NEMP2: variants seen among roughly 807,000 people sequenced by gnomAD.
NEMP2 encodes nuclear envelope integral membrane protein 2, also known as UPF0571 transmembrane protein.
NEMP2 carries 53 observed loss-of-function variants against 54.2 expected under a neutral mutation model. That is an observed-to-expected ratio of 0.98 (90% CI 0.78 to 1.23). The LOEUF (loss-of-function observed/expected upper bound fraction) is 1.23, where lower values mean the gene tolerates loss of function less well. Ranked by LOEUF, NEMP2 falls within the 50% of genes most tolerant of loss-of-function variation. The pLI, the probability that NEMP2 is intolerant of heterozygous loss-of-function variation, is 0.00. For missense variants in NEMP2, 455 were observed against 511.3 expected, an observed-to-expected ratio of 0.89 and a Z score of 1.06; for synonymous variants, 197 against 190.3, an observed-to-expected ratio of 1.04 and a Z score of -0.29.
chr2:190,591,085 C>A, the NEMP2 span, among the ~76,000 whole-genome samples: 1 of 151,802 alleles, frequency 6.6e-6, no homozygotes, highest in African/African-American at 2.4e-5. This position sits in a 1 kb window ranked among gnomAD's most constrained non-coding sequence, Gnocchi z 5.4. Context: ...AACATTTTGA[C>A]AAAAAAAGGA....
chr2:190,568,779 G>T, the NEMP2 span, among the ~76,000 whole-genome samples: 1 of 152,104 alleles, frequency 6.6e-6, no homozygotes, highest in Non-Finnish European at 1.5e-5. This position sits in a 1 kb window ranked among gnomAD's most constrained non-coding sequence, Gnocchi z 4.7. Context: ...CCGAGATTGC[G>T]CCATTGCACT....
Position 190,533,878 on chromosome 2 carries a change from T to A in NEMP2, c.97+681A>T, listed in dbSNP as rs4578891. 3.3e-3 allele frequency: 2,372 copies of A among 708,660 alleles called. 55 individuals are homozygous for A. The African/African-American group carries it at 0.043, about 13-fold the overall frequency. 43.9% of individuals were successfully genotyped at this position (708,660 alleles called of 1,614,324 possible). On this transcript the variant is annotated intron_variant, in intron 1 of 8. Coordinates refer to ENST00000409150, the MANE Select transcript of NEMP2 (RefSeq NM_001142645.2). The surrounding 1 kb of genome is among the most constrained non-coding windows in gnomAD (Gnocchi z 4.3). The stretch of plus-strand genomic sequence containing the variant: ...TTCCCCAGGTGTCCTTCCCAGATCC[T>A]TCCCCAGTGTGCCAGCATCTTAAGC...
In NEMP2 at chr2:190,516,392, T is replaced by G. The variant is rs1333415146; in HGVS notation, c.613-8A>C. On this transcript the variant is annotated splice_region_variant and splice_polypyrimidine_tract_variant and intron_variant, in intron 5 of 8. Coordinates refer to ENST00000409150, the MANE Select transcript of NEMP2 (RefSeq NM_001142645.2). ...AGCCCAAAAGGTGCTATACTGTGTGTGGAAGAAAATAAATGACACATTTTT... is the reference window on the plus strand; with the variant it reads ...AGCCCAAAAGGTGCTATACTGTGTGGGGAAGAAAATAAATGACACATTTTT... 1 of 1,527,630 alleles carries G rather than the reference T, an allele frequency of 6.5e-7. No individual in the cohort carries two copies. The highest frequency in any genetic ancestry group is 1.2e-5 in the South Asian group (1 of 80,174). The allele number at this position is 1,527,630 out of a possible 1,614,324, so 94.6% of individuals were successfully genotyped here. A position where few individuals can be genotyped will look rare whatever the true frequency, so the allele number is the denominator to read the frequency against.
At chr2:190,469,839 C>T in the NEMP2 span, 3 of 1,604,018 alleles carry the variant, frequency 1.9e-6, no homozygotes, top group Non-Finnish European at 1.7e-6. The surrounding 1 kb of genome is among the most constrained non-coding windows in gnomAD (Gnocchi z 5.3). Flanking sequence ...CTGTTCTCCC[C>T]ATGGAAGTTC....
the NEMP2 span, among the ~76,000 whole-genome samples, chr2:190,471,859 A>C: frequency 1.3e-5 from 2 of 152,134 alleles, no homozygotes; most frequent in African/African-American, 4.8e-5. This position sits in a 1 kb window ranked among gnomAD's most constrained non-coding sequence, Gnocchi z 4.7. Context: ...CAGACTGATA[A>C]CTCATACGGC....
At chr2:190,564,281 C>G in the NEMP2 span, among the ~76,000 whole-genome samples, 1 of 152,088 alleles carries the variant, frequency 6.6e-6, no homozygotes, top group Non-Finnish European at 1.5e-5. This position sits in a 1 kb window ranked among gnomAD's most constrained non-coding sequence, Gnocchi z 4.2. Flanking sequence ...AATGTGAACT[C>G]CAGGAACCAT....
At chr2:190,631,521 G>C in the NEMP2 span, among the ~76,000 whole-genome samples, 1 of 152,142 alleles carries the variant, frequency 6.6e-6, no homozygotes, top group Non-Finnish European at 1.5e-5. Flanking sequence ...AAGAGCATAT[G>C]TTATATTTTA....
At position 190,522,492 on chromosome 2, in the gene NEMP2, C is replaced by A. The variant is rs980363988; in HGVS notation, c.213+2771G>T. On this transcript the variant is annotated intron_variant, in intron 2 of 8. Transcript: ENST00000409150. This position sits in a 1 kb window ranked among gnomAD's most constrained non-coding sequence, Gnocchi z 5.0. ...GTAAACCAAAAATAAAATTCTAACACCCCCGACCCCGCCAACTATCTGAAT... is the reference window on the plus strand; with the variant it reads ...GTAAACCAAAAATAAAATTCTAACAACCCCGACCCCGCCAACTATCTGAAT... Among the ~76,000 whole-genome samples the A allele has an allele frequency of 6.6e-6, 1 of 152,048 alleles. No individual in the cohort carries two copies. Among genetic ancestry groups the A allele is most frequent in the Non-Finnish European group, 1.5e-5 (1 of 68,014 alleles).
chr2:190,500,686 A>T (rs905321328), downstream of NEMP2: 3 of 153,340 alleles, frequency 2.0e-5, no homozygotes, highest in Admixed American at 1.3e-4. The surrounding 1 kb of genome is among the most constrained non-coding windows in gnomAD (Gnocchi z 5.3). Context: ...AGAACCGTTT[A>T]AAAAATTACA....
At chr2:190,481,878 A>G in the NEMP2 span, among the ~76,000 whole-genome samples, 3 of 152,174 alleles carry the variant, frequency 2.0e-5, no homozygotes, top group Non-Finnish European at 4.4e-5. Context: ...ATCCTCCGCC[A>G]TTTGTGGAAG....
At chr2:190,442,371 A>G in the NEMP2 span, among the ~76,000 whole-genome samples, 26 of 152,162 alleles carry the variant, frequency 1.7e-4, no homozygotes, top group Non-Finnish European at 3.1e-4. Context: ...GACTGAGGCC[A>G]GATGGATGCT....
the NEMP2 span, among the ~76,000 whole-genome samples, chr2:190,445,922 G>T: frequency 6.6e-6 from 1 of 151,956 alleles, no homozygotes; most frequent in African/African-American, 2.4e-5. Flanking sequence ...AAACAGTTTT[G>T]TTTTTTATCG....
At chr2:190,517,199 A>C (rs528486263) in intron 5 of NEMP2, among the ~76,000 whole-genome samples, 3 of 152,184 alleles carry the variant, frequency 2.0e-5, no homozygotes, top group Admixed American at 6.5e-5. Context: ...CAGCATCATG[A>C]GATTCCCAGC....
At chr2:190,435,693 T>C in the NEMP2 span, among the ~76,000 whole-genome samples, 1 of 152,252 alleles carries the variant, frequency 6.6e-6, no homozygotes, top group Non-Finnish European at 1.5e-5. Flanking sequence ...CTATTATTTG[T>C]ACATTTTCCC....
the NEMP2 span, among the ~76,000 whole-genome samples, chr2:190,426,469 T>G: frequency 1.3e-5 from 2 of 152,228 alleles, no homozygotes; most frequent in African/African-American, 2.4e-5. The surrounding 1 kb of genome is among the most constrained non-coding windows in gnomAD (Gnocchi z 4.7). Context: ...CTAAGCATTT[T>G]TAGGATGGCT....
the NEMP2 span, among the ~76,000 whole-genome samples, chr2:190,580,612 C>G: frequency 6.6e-6 from 1 of 152,172 alleles, no homozygotes; most frequent in Non-Finnish European, 1.5e-5. The surrounding 1 kb of genome is among the most constrained non-coding windows in gnomAD (Gnocchi z 5.3). Flanking sequence ...TAAGGTGTGG[C>G]CTTTCCCATG....
the NEMP2 span, among the ~76,000 whole-genome samples, chr2:190,549,669 T>C: frequency 7.9e-5 from 12 of 152,288 alleles, no homozygotes; most frequent in South Asian, 1.9e-3. Flanking sequence ...CTTCGACCAA[T>C]AGGATTCTCT....
the NEMP2 span, among the ~76,000 whole-genome samples, chr2:190,455,495 G>T: frequency 6.6e-6 from 1 of 152,184 alleles, no homozygotes; most frequent in Non-Finnish European, 1.5e-5. Context: ...AGACCTGGTT[G>T]AGTCTTGCTT....
At chr2:190,578,542 T>C in the NEMP2 span, among the ~76,000 whole-genome samples, 1 of 151,854 alleles carries the variant, frequency 6.6e-6, no homozygotes, top group Non-Finnish European at 1.5e-5. This position sits in a 1 kb window ranked among gnomAD's most constrained non-coding sequence, Gnocchi z 4.4. Context: ...CGGGTGATAA[T>C]GAAAAGAAGA....
Sources: gnomAD v4.1 joint callset for allele counts (sites outside exome capture counted in the v4.1 genomes callset) on GRCh38, gnomAD v4.1.1 for gene constraint, Gnocchi (gnomAD v3.1) non-coding constraint, MANE v1.5 for transcripts, NCBI Gene and HGNC (gene_info 2026-07-23, HGNC 2026-07-21) for gene names.